NR1H3: variants seen among roughly 807,000 people sequenced by gnomAD.
NR1H3 encodes oxysterols receptor LXR-alpha.
In NR1H3, 19 loss-of-function variants were observed where a neutral mutation model predicts 48.1. That is an observed-to-expected ratio of 0.40 (90% confidence interval 0.28 to 0.58). The LOEUF (loss-of-function observed/expected upper bound fraction) is 0.58. NR1H3 is among the 20% of genes least tolerant of loss of function. NR1H3 has a pLI of 0.50. For missense variants in NR1H3, 486 were observed against 595.9 expected (o/e 0.82, Z 1.92); for synonymous variants, 232 against 227.3 (o/e 1.02, Z -0.19).
At chr11:47,265,248 G>A (rs1363857993) in intron 7 of NR1H3, among the ~76,000 whole-genome samples, 2 of 151,826 alleles carry the variant, frequency 1.3e-5, no homozygotes, top group Non-Finnish European at 2.9e-5. Flanking sequence ...AGCTGAGATC[G>A]CGCCACTGCA....
chr11:47,265,121 C>G (rs1216733475), intron 7 of NR1H3, among the ~76,000 whole-genome samples: 3 of 152,026 alleles, frequency 2.0e-5, no homozygotes, highest in Non-Finnish European at 4.4e-5. Flanking sequence ...TGGCAAAACC[C>G]CATCTCTACT....
intron 7 of NR1H3, 62 bp from the exon 8 acceptor site, chr11:47,267,851 A>G: frequency 8.7e-7 from 1 of 1,149,970 alleles, no homozygotes; most frequent in Non-Finnish European, 1.3e-6. Context: ...CCCTAAGGTG[A>G]GGAGAGAAGA....
chr11:47,259,741 G>T, intron 2 of NR1H3, 50 bp from the exon 3 acceptor site: 1 of 1,609,424 alleles, frequency 6.2e-7, no homozygotes, highest in Non-Finnish European at 8.5e-7. Flanking sequence ...CTGGGCCGTG[G>T]AGCCGGGATG....
Position 47,249,126 on chromosome 11 carries a change from T to C in NR1H3, c.-93+127T>C, listed in dbSNP as rs1021543881. ...GTGGCACTTGCAGTGGGCGGGACCA[T>C]GTCTGGAGAACCAGCGTCCCCTCCA... On this transcript the variant is annotated intron_variant, in intron 1 of 8. Coordinates refer to the NR1H3 transcript ENST00000395397. The C allele has an allele frequency of 5.6e-6, 5 of 897,384 alleles. No individual in the cohort carries two copies. The Admixed American group carries it at 1.5e-4, about 27-fold the overall frequency. 55.6% of individuals were successfully genotyped at this position (897,384 alleles called of 1,614,324 possible).
chr11:47,255,280 G>A (rs1954973567), upstream of NR1H3, among the ~76,000 whole-genome samples: 1 of 152,214 alleles, frequency 6.6e-6, no homozygotes, highest in Non-Finnish European at 1.5e-5. Context: ...CTTGGAAAAG[G>A]CCCTCACATG....
upstream of NR1H3, among the ~76,000 whole-genome samples, chr11:47,255,621 CTTTCTT>C (rs1565178962): frequency 5.2e-3 from 550 of 105,336 alleles, 2 homozygotes; most frequent in African/African-American, 0.012. Flanking sequence ...CTCTCTCTTT[CTTTCTT>C]TCTTTCTTTC....
At chr11:47,253,928 T>G (rs1954868932), upstream of NR1H3, among the ~76,000 whole-genome samples, 2 of 152,122 alleles carry the variant, frequency 1.3e-5, no homozygotes, top group South Asian at 4.2e-4. Context: ...CAGCTGCTGA[T>G]CACTTCACTG....
Position 47,261,956 on chromosome 11 carries a change from G to A in NR1H3, c.926G>A (p.Gly309Glu), listed in dbSNP as rs201480452. 1.7e-5 allele frequency: 27 copies of A among 1,614,026 alleles called. No individual in the cohort carries two copies. In the Middle Eastern group the frequency reaches 8.2e-4, roughly 49 times the overall value. The change falls in exon 7 of 10, where the codon GGG becomes GAG. Residue 309 changes from glycine to glutamate, a missense_variant. By Grantham distance (98) the Gly-to-Glu change is moderately conservative. Coordinates refer to ENST00000441012, the MANE Select transcript of NR1H3 (RefSeq NM_005693.4). ...GAGACATCTCGGAGGTACAACCCTG[G>A]GAGTGAGAGTATCACCTTCCTCAAG... Reference protein sequence around the residue: ...LLETSRRYNPGSESITFLKDF... With the variant: ...LLETSRRYNPESESITFLKDF...
intron 1 of NR1H3, among the ~76,000 whole-genome samples, chr11:47,251,735 A>G (rs1199094291): frequency 1.3e-5 from 2 of 152,214 alleles, no homozygotes; most frequent in Non-Finnish European, 2.9e-5. Context: ...TAGCCAGACC[A>G]TTGTACTTTC....
chr11:47,261,878 G>T (rs1425830421), intron 6 of NR1H3, 41 bp from the exon 7 acceptor site: 3 of 1,602,124 alleles, frequency 1.9e-6, no homozygotes, highest in Non-Finnish European at 2.6e-6. Flanking sequence ...TCCAAGACCA[G>T]CCCTCCTAGT....
chr11:47,261,761 C>G, intron 6 of NR1H3, 35 bp downstream of exon 6: 1 of 1,613,776 alleles, frequency 6.2e-7, no homozygotes, highest in Non-Finnish European at 8.5e-7. Context: ...AAGGGAGAAG[C>G]AGAGTGGGAT....
intron 7 of NR1H3, among the ~76,000 whole-genome samples, chr11:47,263,725 C>A (rs1956169011): frequency 6.6e-6 from 1 of 151,720 alleles, no homozygotes; most frequent in South Asian, 2.1e-4. Flanking sequence ...GCCTCAGCCT[C>A]CTGAGTAGCT....
chr11:47,268,002 AT>A lies in NR1H3; in HGVS notation c.1080del (p.Ile360MetfsTer19). The stretch of plus-strand genomic sequence containing the variant: ...CAATGATGCCGAGTTTGCCTTGCTC[AT>A]TGCTATCAGCATCTTCTCTGCAGGT... ...QLNDAEFALL[I>X]AISIFSADRP... On this transcript the variant is annotated frameshift_variant, in exon 8 of 10. Transcript: ENST00000441012. LOFTEE classifies it high-confidence loss of function. The A allele has an allele frequency of 6.2e-7, 1 of 1,608,306 alleles. No homozygotes were observed. The highest frequency in any genetic ancestry group is 8.5e-7 in the Non-Finnish European group (1 of 1,176,728).
At chr11:47,255,595 T>C (rs6485745), upstream of NR1H3, among the ~76,000 whole-genome samples, 4,531 of 60,372 alleles carry the variant, frequency 0.075, 105 homozygotes, top group East Asian at 0.16. Context: ...CTTTCTTTCT[T>C]TCTCTCTCTC....
In NR1H3 at chr11:47,259,564, C is replaced by T. The variant is rs538112886; in HGVS notation, c.44-227C>T. ...TCTGAAATGCATACACTCCAGCCCC[C>T]CAAAGGGACAAGGATTAACATCTTC... On this transcript the variant is annotated intron_variant, in intron 2 of 9. Transcript: ENST00000441012. 6.8e-6 allele frequency: 10 copies of T among 1,466,712 alleles called. No individual in the cohort carries two copies. The African/African-American group carries it at 7.1e-5, about 10-fold the overall frequency. 90.9% of individuals were successfully genotyped at this position (1,466,712 alleles called of 1,614,324 possible). A position where few individuals can be genotyped will look rare whatever the true frequency, so the allele number is the denominator to read the frequency against.
chr11:47,259,993 G>A lies in NR1H3; in HGVS notation c.232+14G>A. 6.7e-7 allele frequency: 1 copy of A among 1,498,200 alleles called. No homozygotes were observed. Among genetic ancestry groups the A allele is most frequent in the Non-Finnish European group, 8.9e-7 (1 of 1,125,926 alleles). 92.8% of individuals were successfully genotyped at this position (1,498,200 alleles called of 1,614,324 possible). A position where few individuals can be genotyped will look rare whatever the true frequency, so the allele number is the denominator to read the frequency against. On this transcript the variant is annotated intron_variant, in intron 3 of 9. Coordinates refer to ENST00000441012, the MANE Select transcript of NR1H3 (RefSeq NM_005693.4). ...CAGAACCCACAGGTGAGGAGCTTCT[G>A]GGTTTGGAGGAGGTAGGGGTCCAGA...
intron 4 of NR1H3, 110 bp downstream of exon 4, chr11:47,260,785 G>C: frequency 5.2e-6 from 7 of 1,358,838 alleles, no homozygotes; most frequent in Non-Finnish European, 6.9e-6. Context: ...CCTAAGTATG[G>C]ATCCCAGTAT....
At chr11:47,258,675 C>G (rs1157503105) in intron 1 of NR1H3, 1 of 155,356 alleles carries the variant, frequency 6.4e-6, no homozygotes, top group Non-Finnish European at 1.4e-5. Flanking sequence ...TAGTCCTGAG[C>G]CAGGAGCAGT....
intron 1 of NR1H3, among the ~76,000 whole-genome samples, chr11:47,252,572 GTTTGT>G (rs1187128264): frequency 1.4e-5 from 2 of 146,112 alleles, no homozygotes; most frequent in Admixed American, 1.4e-4. Flanking sequence ...TGTTTTTTTT[GTTTGT>G]TTTGTTTTGT....
Sources: gnomAD v4.1 joint callset for allele counts (sites outside exome capture counted in the v4.1 genomes callset) on GRCh38, gnomAD v4.1.1 for gene constraint, MANE v1.5 for transcripts, NCBI Gene and HGNC (gene_info 2026-07-23, HGNC 2026-07-21) for gene names.